The following DDX19A variants were observed in gnomAD, a reference collection of about 807,000 sequenced individuals.
DDX19A encodes DEAD-box helicase 19A.
Under a neutral mutation model 60.6 loss-of-function variants are expected in DDX19A, and 12 were observed. The observed-to-expected ratio is 0.20, with a 90% CI of 0.13 to 0.32. The LOEUF is 0.32. Ranked by LOEUF, DDX19A falls within the 10% of genes least tolerant of loss-of-function variation. The pLI, the probability that DDX19A is intolerant of heterozygous loss-of-function variation, is 1.00. For missense variants in DDX19A, 337 were observed against 600.6 expected (o/e 0.56, Z 4.59); for synonymous variants, 206 against 218.2 (o/e 0.94, Z 0.49).
At position 70,372,181 on chromosome 16, in the gene DDX19A, G is replaced by T; in HGVS notation, c.*195G>T. 1 of 921,568 alleles carries T rather than the reference G, an allele frequency of 1.1e-6. No homozygotes were observed. The highest frequency in any genetic ancestry group is 1.6e-6 in the Non-Finnish European group (1 of 614,292). 57.1% of individuals were successfully genotyped at this position (921,568 alleles called of 1,614,324 possible). On this transcript the variant is annotated 3_prime_UTR_variant, in exon 12 of 12. Coordinates refer to ENST00000302243, the MANE Select transcript of DDX19A (RefSeq NM_018332.5). Reference sequence around the variant, plus strand: ...TGGGGGGCAATAGAAGAAAAAATTTGCATTTTGGAAAATTGGGTCCTTTCC... The same window carrying T: ...TGGGGGGCAATAGAAGAAAAAATTTTCATTTTGGAAAATTGGGTCCTTTCC...
At chr16:70,362,017 A>T (rs574883316) in intron 5 of DDX19A, among the ~76,000 whole-genome samples, 3 of 152,122 alleles carry the variant, frequency 2.0e-5, no homozygotes, top group East Asian at 1.9e-4. Context: ...TAAAATCAAA[A>T]AAAAAAAAAT....
chr16:70,352,655 T>TTTA (rs35841813), intron 2 of DDX19A, among the ~76,000 whole-genome samples: 1 of 112,228 alleles, frequency 8.9e-6, no homozygotes, highest in Non-Finnish European at 1.8e-5. Flanking sequence ...TTTTTTTTTT[T>TTTA]GAGATGAAGT....
chr16:70,352,428 G>A (rs1400080781), intron 2 of DDX19A, among the ~76,000 whole-genome samples: 1 of 151,596 alleles, frequency 6.6e-6, no homozygotes, highest in African/African-American at 2.4e-5. Flanking sequence ...GGGATTACAG[G>A]TGTCCGCCAT....
At position 70,357,366 on chromosome 16, in the gene DDX19A, G is replaced by GTTTTTTTTTTTTTTTTTTTTTTTTTTTTT. The variant is rs71151183; in HGVS notation, c.293+1127_293+1155dup. Among the ~76,000 whole-genome samples, 5 of 44,580 alleles carry GTTTTTTTTTTTTTTTTTTTTTTTTTTTTT rather than the reference G, an allele frequency of 1.1e-4. 1 individual carries two copies. The highest frequency in any genetic ancestry group is 3.6e-4 in the African/African-American group (4 of 11,256). The allele number at this position is 44,580 out of a possible 152,430, so 29.2% of individuals were successfully genotyped here. On this transcript the variant is annotated intron_variant, in intron 4 of 11. Coordinates refer to ENST00000302243, the MANE Select transcript of DDX19A (RefSeq NM_018332.5). ...AATCTGTCAAATCTGTTTTTGGTTT[G>GTTTTTTTTTTTTTTTTTTTTTTTTTTTTT]TTTTTTTTTTTTTTTTTTTTTTTTT...
intron 1 of DDX19A, 102 bp from the exon 2 acceptor site, chr16:70,350,454 GA>G (rs1963976498): frequency 1.3e-6 from 1 of 764,934 alleles, no homozygotes; most frequent in South Asian, 1.9e-5. Context: ...TACTGGTGCT[GA>G]AAGTTTCACA....
rs1302716764 is a variant in DDX19A, at chr16:70,346,997, C to T, written c.6C>T (p.Ala2=). ...GGTCTCCCTTGTCCGGGACTATGGC[C>T]ACCGACTCGTGGGCCCTGGCGGTGG... The part of the protein sequence containing the change: M[A]TDSWALAVDE... Residue 2 remains alanine (A), a synonymous_variant, in exon 1 of 12, where the codon GCC becomes GCT. Coordinates refer to ENST00000302243, the MANE Select transcript of DDX19A (RefSeq NM_018332.5). 8.1e-6 allele frequency: 13 copies of T among 1,612,628 alleles called. No homozygotes were observed. Among genetic ancestry groups the T allele is most frequent in the Non-Finnish European group, 1.1e-5 (13 of 1,179,808 alleles).
intron 9 of DDX19A, among the ~76,000 whole-genome samples, chr16:70,369,232 T>A (rs1176649061): frequency 7.3e-6 from 1 of 136,882 alleles, no homozygotes; most frequent in Non-Finnish European, 1.5e-5. Flanking sequence ...CAGGCTGGAG[T>A]GCAATGGCAT....
At chr16:70,352,994 T>C (rs1021816211) in intron 2 of DDX19A, among the ~76,000 whole-genome samples, 4 of 152,176 alleles carry the variant, frequency 2.6e-5, no homozygotes, top group Admixed American at 6.6e-5. Context: ...ATTCTTTTGC[T>C]ATTATAAATA....
intron 4 of DDX19A, among the ~76,000 whole-genome samples, chr16:70,359,443 T>C (rs1964308434): frequency 6.6e-6 from 1 of 152,220 alleles, no homozygotes; most frequent in Non-Finnish European, 1.5e-5. Flanking sequence ...GCCTTTTCTT[T>C]AGAAACAATC....
chr16:70,356,277 C>A (rs550245297), intron 4 of DDX19A, 30 bp downstream of exon 4: 26 of 1,612,134 alleles, frequency 1.6e-5, no homozygotes, highest in Admixed American at 3.3e-5. Context: ...AACAGCTCTT[C>A]GTTGCCAGTC....
intron 5 of DDX19A, chr16:70,363,847 C>T (rs933247934): frequency 1.3e-5 from 2 of 152,208 alleles, no homozygotes; most frequent in Admixed American, 6.6e-5. Context: ...TCATGCCATT[C>T]TCCTGCCTCA....
rs200530683 is a variant in DDX19A at position 70,372,453 on chromosome 16, A to G, written c.*467A>G. The G allele has an allele frequency of 8.4e-5, 17 of 201,844 alleles. No homozygotes were observed. The highest frequency in any genetic ancestry group is 2.3e-3 in the Middle Eastern group (1 of 434). The allele number at this position is 201,844 out of a possible 1,614,324, so 12.5% of individuals were successfully genotyped here. A position where few individuals can be genotyped will look rare whatever the true frequency, so the allele number is the denominator to read the frequency against. On this transcript the variant is annotated 3_prime_UTR_variant, in exon 12 of 12. Transcript: ENST00000302243. ...GAGCTGCCCCCTCTCTGTCTCTTCA[A>G]TGGACCCTTCACAAGTGTTTCTCCT...
chr16:70,371,175 C>A, intron 10 of DDX19A, 197 bp from the exon 11 acceptor site: 1 of 915,908 alleles, frequency 1.1e-6, no homozygotes, highest in Non-Finnish European at 1.6e-6. Context: ...ATTTTGTTGG[C>A]ACTTGCCAAA....
At chr16:70,369,173 GTTTTTTTTTTTTT>G (rs560443179) in intron 9 of DDX19A, among the ~76,000 whole-genome samples, 7 of 96,342 alleles carry the variant, frequency 7.3e-5, no homozygotes, top group Non-Finnish European at 9.9e-5. Flanking sequence ...GGCCAATCTG[GTTTTTTTTTTTTT>G]TTTTTTTTTT....
chr16:70,370,144 G>GT, intron 9 of DDX19A, 79 bp from the exon 10 acceptor site: 1 of 1,500,190 alleles, frequency 6.7e-7, no homozygotes, highest in African/African-American at 1.4e-5. Context: ...ATCACCCTGA[G>GT]TGACAGCAAG....
chr16:70,347,113 CAG>C, intron 1 of DDX19A, 65 bp downstream of exon 1: 1 of 1,517,776 alleles, frequency 6.6e-7, no homozygotes, highest in East Asian at 2.3e-5. Context: ...CCCAAAAGCA[CAG>C]GGAGCTCCCC....
intron 3 of DDX19A, chr16:70,355,797 A>G (rs1196523581): frequency 3.5e-6 from 2 of 575,084 alleles, no homozygotes; most frequent in African/African-American, 1.9e-5. Context: ...CCCCATCTCT[A>G]CAAAAGATTT....
Position 70,365,063 on chromosome 16 carries a change from A to G in DDX19A, c.536A>G (p.Lys179Arg). ...PTYELALQTG[K>R]VIEQMGKFYP... Reference sequence around the variant, plus strand: ...TATGAGCTGGCGCTTCAAACAGGAAAAGTGATTGAGCAGATGGGCAAATTT... The same window carrying G: ...TATGAGCTGGCGCTTCAAACAGGAAGAGTGATTGAGCAGATGGGCAAATTT... The change falls in exon 7 of 12, where the codon AAA (lysine) becomes AGA (arginine). Residue 179 changes from lysine to arginine, a missense_variant. By Grantham distance (26) the Lys-to-Arg change is conservative. Coordinates refer to ENST00000302243, the MANE Select transcript of DDX19A (RefSeq NM_018332.5). 6.2e-7 allele frequency: 1 copy of G among 1,614,230 alleles called. No individual in the cohort carries two copies. Among genetic ancestry groups the G allele is most frequent in the Non-Finnish European group, 8.5e-7 (1 of 1,180,052 alleles).
intron 9 of DDX19A, among the ~76,000 whole-genome samples, chr16:70,367,070 T>C (rs1207123572): frequency 2.6e-5 from 4 of 152,172 alleles, no homozygotes; most frequent in Non-Finnish European, 5.9e-5. Flanking sequence ...TTATGTCTTA[T>C]TTGTGGATGA....
Sources: allele counts gnomAD v4.1 joint callset (sites outside exome capture counted in the v4.1 genomes callset), GRCh38; gene constraint gnomAD v4.1.1; transcripts MANE v1.5; gene names NCBI Gene and HGNC (gene_info 2026-07-23, HGNC 2026-07-21).